The following ANO4 variants were observed in gnomAD, a reference collection of about 807,000 sequenced individuals.
ANO4 encodes the protein anoctamin-4.
In ANO4, 69 loss-of-function variants were observed where a neutral mutation model predicts 141.9. The observed-to-expected ratio is 0.49, with a 90% CI of 0.40 to 0.59. The LOEUF (loss-of-function observed/expected upper bound fraction) is 0.59. ANO4 is among the 20% of genes least tolerant of loss of function. ANO4 has a pLI of 0.00. For synonymous variants in ANO4, 350 were observed against 394.3 expected, an observed-to-expected ratio of 0.89 and a Z score of 1.33; for missense variants, 894 against 1,162.2, an observed-to-expected ratio of 0.77 and a Z score of 3.36.
rs142735427 is a variant in ANO4, at chr12:100,744,159, A to G, written c.358+4054A>G. ...GCCTACTGGAACTTTCAACCCGGAT[A>G]TATCCCATACTATCAAAACTTATAT... On this transcript the variant is annotated intron_variant, in intron 3 of 29. Transcript: ENST00000644049. 3.1e-3 allele frequency among the ~76,000 whole-genome samples: 470 copies of G among 152,332 alleles called. 2 individuals are homozygous for G. Among genetic ancestry groups the G allele is most frequent in the African/African-American group, 0.011 (437 of 41,582 alleles).
At chr12:100,759,610 A>G (rs2032771460) in intron 3 of ANO4, among the ~76,000 whole-genome samples, 1 of 152,216 alleles carries the variant, frequency 6.6e-6, no homozygotes, top group South Asian at 2.1e-4. Flanking sequence ...TTCCCTGGAC[A>G]GAAGATACCT....
intron 1 of ANO4, among the ~76,000 whole-genome samples, chr12:100,870,698 G>C (rs2038988653): frequency 6.6e-6 from 1 of 151,984 alleles, no homozygotes; most frequent in African/African-American, 2.4e-5. Context: ...GTAAACTTTT[G>C]TAGTATGGCA....
chr12:100,846,148 A>G (rs1273486590), intron 1 of ANO4, among the ~76,000 whole-genome samples: 1 of 152,250 alleles, frequency 6.6e-6, no homozygotes, highest in East Asian at 1.9e-4. Flanking sequence ...TCTAGCACAT[A>G]GAAATCCCTT....
At chr12:100,805,560 A>T (rs1394010979) in intron 1 of ANO4, among the ~76,000 whole-genome samples, 1 of 152,196 alleles carries the variant, frequency 6.6e-6, no homozygotes, top group East Asian at 1.9e-4. Flanking sequence ...CATTTTCATG[A>T]TACTGGTTCT....
chr12:100,835,005 G>T (rs1392654915), intron 1 of ANO4, among the ~76,000 whole-genome samples: 1 of 152,096 alleles, frequency 6.6e-6, no homozygotes, highest in Non-Finnish European at 1.5e-5. Flanking sequence ...AATGTAGGAG[G>T]GAACCAGACT....
intron 1 of ANO4, among the ~76,000 whole-genome samples, chr12:100,813,733 G>T (rs2035576952): frequency 6.6e-6 from 1 of 152,166 alleles, no homozygotes; most frequent in Non-Finnish European, 1.5e-5. Context: ...AGCTTGGTCA[G>T]ATATCTTAAA....
chr12:100,955,062 A>G (rs1223926871), intron 5 of ANO4, among the ~76,000 whole-genome samples: 3 of 152,262 alleles, frequency 2.0e-5, no homozygotes, highest in Non-Finnish European at 4.4e-5. Flanking sequence ...CAGTGAGAGT[A>G]TCAATCCTCA....
At chr12:100,989,969 G>T (rs886673364) in intron 8 of ANO4, among the ~76,000 whole-genome samples, 5 of 77,200 alleles carry the variant, frequency 6.5e-5, no homozygotes, top group African/African-American at 2.4e-4. Context: ...ACATGGATAG[G>T]TCACCAGATG....
At chr12:100,916,068 G>C (rs1191392017) in intron 2 of ANO4, among the ~76,000 whole-genome samples, 1 of 152,092 alleles carries the variant, frequency 6.6e-6, no homozygotes, top group Non-Finnish European at 1.5e-5. Flanking sequence ...ACATTGTTAT[G>C]TGTCACAGCA....
chr12:101,074,253 C>G (rs1312902300), intron 14 of ANO4, among the ~76,000 whole-genome samples: 1 of 152,196 alleles, frequency 6.6e-6, no homozygotes, highest in Non-Finnish European at 1.5e-5. Flanking sequence ...GGCTGGCAGA[C>G]AGCTCCACTC....
At chr12:100,991,769 G>A (rs1194125180) in intron 8 of ANO4, among the ~76,000 whole-genome samples, 1 of 152,052 alleles carries the variant, frequency 6.6e-6, no homozygotes, top group Admixed American at 6.6e-5. Context: ...CCCATAGTAA[G>A]TGCTTAATAA....
chr12:100,931,179 A>G (rs913151363), intron 3 of ANO4, among the ~76,000 whole-genome samples: 3 of 152,160 alleles, frequency 2.0e-5, no homozygotes, highest in Non-Finnish European at 4.4e-5. Context: ...CGTGTCATAT[A>G]CATGCTAAAT....
intron 2 of ANO4, among the ~76,000 whole-genome samples, chr12:100,918,204 G>A (rs1352554317): frequency 1.3e-5 from 2 of 152,178 alleles, no homozygotes; most frequent in East Asian, 1.9e-4. Flanking sequence ...GTGCGCACCT[G>A]TAGCCCTTGG....
chr12:100,998,348 T>C (rs2045481151), intron 8 of ANO4, among the ~76,000 whole-genome samples: 1 of 151,716 alleles, frequency 6.6e-6, no homozygotes, highest in Non-Finnish European at 1.5e-5. Context: ...GACCTTGTGA[T>C]CATGTGAGTT....
At chr12:101,097,058 A>G (rs1342748707) in intron 19 of ANO4, among the ~76,000 whole-genome samples, 1 of 152,118 alleles carries the variant, frequency 6.6e-6, no homozygotes, top group African/African-American at 2.4e-5. Flanking sequence ...AGGGGGCAAA[A>G]ATGGGATACA....
chr12:101,038,267 C>T (rs2047276283), intron 10 of ANO4, among the ~76,000 whole-genome samples: 1 of 152,204 alleles, frequency 6.6e-6, no homozygotes, highest in Non-Finnish European at 1.5e-5. Flanking sequence ...CCCAAAACAT[C>T]ATGTGGCTTC....
intron 14 of ANO4, among the ~76,000 whole-genome samples, chr12:101,063,413 C>G (rs555299673): frequency 1.3e-5 from 2 of 152,252 alleles, no homozygotes; most frequent in African/African-American, 4.8e-5. Flanking sequence ...TCTTGCATTC[C>G]AAGGATCCCA....
At chr12:100,884,045 A>T (rs1399448) in intron 1 of ANO4, among the ~76,000 whole-genome samples, 26,483 of 152,224 alleles carry the variant, frequency 0.17, 2,361 homozygotes, top group East Asian at 0.22. Context: ...CTCAAATCAC[A>T]TAAATAACAT....
chr12:100,820,531 G>A (rs903828587), intron 1 of ANO4, among the ~76,000 whole-genome samples: 1 of 152,004 alleles, frequency 6.6e-6, no homozygotes, highest in South Asian at 2.1e-4. Context: ...TGAGAAAAAT[G>A]TAAGTCGGCA....
Sources: allele counts gnomAD v4.1 joint callset (sites outside exome capture counted in the v4.1 genomes callset), GRCh38; gene constraint gnomAD v4.1.1; transcripts MANE v1.5; gene names NCBI Gene and HGNC (gene_info 2026-07-23, HGNC 2026-07-21).